The following LIPE variants were observed in gnomAD, a reference collection of about 807,000 sequenced individuals.
LIPE encodes the protein lipase E, hormone sensitive type.
Under a neutral mutation model 88.5 loss-of-function variants are expected in LIPE, and 66 were observed. That is an observed-to-expected ratio of 0.75 (90% confidence interval 0.61 to 0.91). The LOEUF (loss-of-function observed/expected upper bound fraction) is 0.91. Among genes scored for constraint, LIPE ranks in the 40% least tolerant of loss-of-function variants. The pLI is 0.00. For missense variants in LIPE, 1,346 were observed against 1,434.7 expected, an observed-to-expected ratio of 0.94 and a Z score of 1.00; for synonymous variants, 570 against 617.5, an observed-to-expected ratio of 0.92 and a Z score of 1.14.
chr19:42,420,413 T>A (rs868743142), intron 1 of LIPE, among the ~76,000 whole-genome samples: 3 of 152,178 alleles, frequency 2.0e-5, no homozygotes, highest in Non-Finnish European at 4.4e-5. Context: ...TGCCTGTGAA[T>A]GTATCTGTGT....
intron 1 of LIPE, chr19:42,423,249 A>G (rs1197686134): frequency 2.6e-6 from 1 of 381,870 alleles, no homozygotes; most frequent in South Asian, 2.1e-5. Context: ...CTCGGCTGTC[A>G]CATCACCCCC....
At chr19:42,416,173 T>C (rs1354079192) in intron 1 of LIPE, among the ~76,000 whole-genome samples, 1 of 151,530 alleles carries the variant, frequency 6.6e-6, no homozygotes, top group East Asian at 2.0e-4. Context: ...AGAAACCCCA[T>C]CTCAACTTAA....
chr19:42,402,119 GAC>G, intron 9 of LIPE, 44 bp from the exon 10 acceptor site: 1 of 1,423,586 alleles, frequency 7.0e-7, no homozygotes, highest in Non-Finnish European at 9.2e-7. Flanking sequence ...GTGGGGGACA[GAC>G]AGACCGGGGT....
Position 42,426,687 on chromosome 19 carries a change from A to G in LIPE, c.463T>C (p.Ser155Pro). ...GGTTTAGCCTGGGCCGCAGGTGTTG[A>G]TTCAGCTTCTTGTTGAGCTGGAGGT... ...EPPPAQQEAE[S>P]TPAAQAKPGA... is the part of the protein sequence containing the mutation. Residue 155 changes from serine to proline, a missense_variant, in exon 1 of 10, where the codon TCA becomes CCA. Transcript: ENST00000244289. The G allele has an allele frequency of 6.2e-7, 1 of 1,614,124 alleles. No homozygotes were observed. The highest frequency in any genetic ancestry group is 8.5e-7 in the Non-Finnish European group (1 of 1,180,028).
At chr19:42,403,241 ATGTGTGTGTGTGTGTGTGTG>A (rs56983822) in intron 8 of LIPE, among the ~76,000 whole-genome samples, 16 of 92,000 alleles carry the variant, frequency 1.7e-4, no homozygotes, top group South Asian at 4.5e-4. Flanking sequence ...CTAGTGAAGG[ATGTGTGTGTGTGTGTGTGTG>A]TGTGTGTGTG....
chr19:42,401,774 T>G lies in LIPE; in HGVS notation c.*38A>C. On this transcript the variant is annotated 3_prime_UTR_variant, in exon 10 of 10. Coordinates refer to ENST00000244289, the MANE Select transcript of LIPE (RefSeq NM_005357.4). ...CCCTTCCGCCCGGCCCGGAAGGCAT[T>G]CATGACGGAGGCCGGCGCAGATGGG... 3.8e-6 allele frequency: 5 copies of G among 1,310,174 alleles called. No individual in the cohort carries two copies. The highest frequency in any genetic ancestry group is 4.9e-6 in the Non-Finnish European group (5 of 1,016,970). The allele number at this position is 1,310,174 out of a possible 1,614,324, so 81.2% of individuals were successfully genotyped here. A position where few individuals can be genotyped will look rare whatever the true frequency, so the allele number is the denominator to read the frequency against.
chr19:42,409,400 CAAAAAAAAAA>C (rs760628566), intron 2 of LIPE, among the ~76,000 whole-genome samples: 1 of 72,924 alleles, frequency 1.4e-5, no homozygotes, highest in Non-Finnish European at 2.9e-5. Context: ...AAACAAAATA[CAAAAAAAAAA>C]AAAAAAAAAA....
At chr19:42,413,481 C>T (rs567004975) in intron 1 of LIPE, among the ~76,000 whole-genome samples, 7 of 152,170 alleles carry the variant, frequency 4.6e-5, no homozygotes, top group East Asian at 3.9e-4. Context: ...CTGGCTAACA[C>T]GGTGAAACCC....
Position 42,402,981 on chromosome 19 carries a change from G to A in LIPE, c.2593C>T (p.Pro865Ser). 1 of 1,602,210 alleles carries A rather than the reference G, an allele frequency of 6.2e-7. No homozygotes were observed. The stretch of plus-strand genomic sequence containing the variant: ...TTCTTGAGGGAATCCGTGCCCAGTG[G>A]GCCCTGGGGCTGGGCCAGTGCTGCT... ...SEAALAQPQGPLGTDSLKNLT... is the reference protein window; with the variant it reads ...SEAALAQPQGSLGTDSLKNLT... Residue 865 changes from proline (P) to serine (S), a missense_variant, in exon 9 of 10, where the codon CCA (proline) becomes TCA (serine). Coordinates refer to ENST00000244289, the MANE Select transcript of LIPE (RefSeq NM_005357.4).
chr19:42,415,177 A>T (rs2040462222), intron 1 of LIPE, among the ~76,000 whole-genome samples: 1 of 152,040 alleles, frequency 6.6e-6, no homozygotes, highest in African/African-American at 2.4e-5. Context: ...GGTTGTAGTG[A>T]GCCAAGATCA....
Position 42,407,842 on chromosome 19 carries a change from G to A in LIPE, c.1657-51C>T. 1.3e-6 allele frequency: 2 copies of A among 1,547,392 alleles called. No individual in the cohort carries two copies. On this transcript the variant is annotated intron_variant, in intron 4 of 9. Coordinates refer to ENST00000244289, the MANE Select transcript of LIPE (RefSeq NM_005357.4). The surrounding 1 kb of genome is among the most constrained non-coding windows in gnomAD (Gnocchi z 5.8). ...CTAGGGAAGGTCTGCCTGCAGGGGT[G>A]CCCTTCACCTCTCCCTCTGATCCCC...
chr19:42,423,548 G>C, intron 1 of LIPE: 1 of 1,243,748 alleles, frequency 8.0e-7, no homozygotes, highest in Non-Finnish European at 1.0e-6. Flanking sequence ...AATTCCCCGC[G>C]GTCCTCCCGC....
chr19:42,405,996 A>T (rs1010386808), intron 7 of LIPE, among the ~76,000 whole-genome samples, 165 bp downstream of exon 7: 5 of 148,004 alleles, frequency 3.4e-5, no homozygotes, highest in South Asian at 2.1e-4. Context: ...ACACACACAC[A>T]CACACACACA....
chr19:42,416,952 G>A (rs1160945265), intron 1 of LIPE, among the ~76,000 whole-genome samples: 2 of 152,082 alleles, frequency 1.3e-5, no homozygotes, highest in Admixed American at 6.6e-5. Context: ...ACGGAGTCTC[G>A]CTCTGTCGCC....
rs1310123474 is a variant in LIPE, at chr19:42,407,755, T to C, written c.1693A>G (p.Ser565Gly). The C allele has an allele frequency of 1.3e-6, 2 of 1,557,454 alleles. No individual in the cohort carries two copies. Among genetic ancestry groups the C allele is most frequent in the African/African-American group, 2.7e-5 (2 of 73,270 alleles). The change falls in exon 5 of 10, where the codon AGC (serine) becomes GGC (glycine). Residue 565 changes from serine to glycine, a missense_variant. Transcript: ENST00000244289. This position sits in a 1 kb window ranked among gnomAD's most constrained non-coding sequence, Gnocchi z 5.8. Reference sequence around the variant, plus strand: ...TCGGGTGGCAGGCTGAGCAGGCGGCTTACCCTCACGGTGGCCGATGCCATG... The same window carrying C: ...TCGGGTGGCAGGCTGAGCAGGCGGCCTACCCTCACGGTGGCCGATGCCATG... ...ANMASATVRV[S>G]RLLSLPPEAF...
chr19:42,421,959 A>T (rs549093557), intron 1 of LIPE, among the ~76,000 whole-genome samples: 6 of 152,354 alleles, frequency 3.9e-5, no homozygotes, highest in Admixed American at 3.3e-4. Flanking sequence ...GCCCTGCCCA[A>T]CTGGATTCTG....
rs1032770097 is a variant in LIPE at position 42,405,832 on chromosome 19, C to T, written c.2366-271G>A. The T allele has an allele frequency of 6.8e-5, 37 of 543,950 alleles. 1 individual carries two copies. Among genetic ancestry groups the T allele is most frequent in the Admixed American group, 9.8e-5 (3 of 30,492 alleles). The allele number at this position is 543,950 out of a possible 1,614,324, so 33.7% of individuals were successfully genotyped here. On this transcript the variant is annotated intron_variant, in intron 7 of 9. Transcript: ENST00000244289. ...AGCTGGGCGTGGTAGTGGTGGTGCA[C>T]GCCTGTAGTTCCAGCTACTTGGGAA...
rs2040173344 is a variant in LIPE at position 42,406,083 on chromosome 19, G to T, written c.2365+78C>A. 6 of 1,300,096 alleles carry T rather than the reference G, an allele frequency of 4.6e-6. No individual in the cohort carries two copies. Among genetic ancestry groups the T allele is most frequent in the Non-Finnish European group, 6.5e-6 (6 of 926,994 alleles). The allele number at this position is 1,300,096 out of a possible 1,614,324, so 80.5% of individuals were successfully genotyped here. ...GGCCTCTCCTTCCTCAGTCACAGGA[G>T]TCCTGGTCCCCAGCCCGTCCCTGCA... On this transcript the variant is annotated intron_variant, in intron 7 of 9. Coordinates refer to ENST00000244289, the MANE Select transcript of LIPE (RefSeq NM_005357.4). The surrounding 1 kb of genome is among the most constrained non-coding windows in gnomAD (Gnocchi z 5.7).
At chr19:42,415,654 C>T (rs572702773) in intron 1 of LIPE, among the ~76,000 whole-genome samples, 10 of 151,754 alleles carry the variant, frequency 6.6e-5, no homozygotes, top group Admixed American at 5.9e-4. Context: ...ACTAAAAATA[C>T]AAAAAATCAG....
Sources: allele counts gnomAD v4.1 joint callset (sites outside exome capture counted in the v4.1 genomes callset), GRCh38; gene constraint gnomAD v4.1.1; non-coding constraint Gnocchi (gnomAD v3.1); transcripts MANE v1.5; gene names NCBI Gene and HGNC (gene_info 2026-07-23, HGNC 2026-07-21).